The following KIF21B variants were observed in gnomAD, a reference collection of about 807,000 sequenced individuals.
KIF21B encodes kinesin family member 21B.
Under a neutral mutation model 192.9 loss-of-function variants are expected in KIF21B, and 85 were observed. The observed-to-expected ratio is 0.44, with a 90% CI of 0.37 to 0.53. The LOEUF (loss-of-function observed/expected upper bound fraction) is 0.53. Ranked by LOEUF, KIF21B falls within the 20% of genes least tolerant of loss-of-function variation. The probability of loss-of-function intolerance (pLI) is 0.00; values close to 1 mark genes in which losing one functional copy is unlikely to be tolerated. For synonymous variants in KIF21B, 832 were observed against 884.6 expected, an observed-to-expected ratio of 0.94 and a Z score of 1.05; for missense variants, 1,716 against 2,194.8, an observed-to-expected ratio of 0.78 and a Z score of 4.36.
chr1:200,981,178 G>A, intron 28 of KIF21B, 82 bp from the exon 29 acceptor site: 1 of 1,457,140 alleles, frequency 6.9e-7, no homozygotes, highest in African/African-American at 1.4e-5. Flanking sequence ...TGTGTGGGAT[G>A]GGGACAGGGC....
rs747087488 is a variant in KIF21B, at chr1:200,973,550, G to A, written c.4843C>T (p.Arg1615Trp). The change falls in exon 35 of 35, where the codon CGG (arginine) becomes TGG (tryptophan). Residue 1615 changes from arginine to tryptophan, a missense_variant. Coordinates refer to ENST00000461742, the MANE Select transcript of KIF21B (RefSeq NM_001252102.2). Reference protein sequence around the residue: ...SDLTVKFWSVRRLPHSGPP With the variant: ...SDLTVKFWSVWRLPHSGPP ...GGTGGGCCGCTGTGGGGTAACCGCC[G>A]GACACTCCAGAACTTCACCGTCAGG... The A allele has an allele frequency of 3.1e-5, 47 of 1,502,974 alleles. No homozygotes were observed. Among genetic ancestry groups the A allele is most frequent in the South Asian group, 3.8e-5 (3 of 78,886 alleles). 93.1% of individuals were successfully genotyped at this position (1,502,974 alleles called of 1,614,324 possible). A position where few individuals can be genotyped will look rare whatever the true frequency, so the allele number is the denominator to read the frequency against.
chr1:200,986,113 C>G (rs2102400715), intron 26 of KIF21B, among the ~76,000 whole-genome samples: 1 of 151,956 alleles, frequency 6.6e-6, no homozygotes, highest in East Asian at 1.9e-4. Context: ...TCCCAAAGTG[C>G]TAGGATTACT....
intron 1 of KIF21B, among the ~76,000 whole-genome samples, chr1:201,016,245 A>C (rs547418928): frequency 2.0e-5 from 3 of 152,316 alleles, no homozygotes; most frequent in Admixed American, 2.0e-4. Flanking sequence ...GAGAAAAACG[A>C]TCCCTTCAGA....
intron 7 of KIF21B, 72 bp from the exon 8 acceptor site, chr1:201,003,853 A>C: frequency 6.7e-7 from 1 of 1,494,316 alleles, no homozygotes; most frequent in Non-Finnish European, 9.3e-7. Context: ...CTCAGGGTAG[A>C]GGTCCTGCTC....
At chr1:201,009,096 G>T in intron 2 of KIF21B, 145 bp from the exon 3 acceptor site, 1 of 1,182,270 alleles carries the variant, frequency 8.5e-7, no homozygotes, top group Non-Finnish European at 1.2e-6. Context: ...ACACTCTGGG[G>T]AAATCACTGA....
At chr1:201,005,152 T>C (rs578091611) in intron 5 of KIF21B, among the ~76,000 whole-genome samples, 156 bp downstream of exon 5, 8 of 152,376 alleles carry the variant, frequency 5.3e-5, no homozygotes, top group African/African-American at 1.7e-4. Context: ...ATTTTACAAA[T>C]TGGGCAACAA....
At chr1:201,015,883 T>C (rs1335713001) in intron 1 of KIF21B, among the ~76,000 whole-genome samples, 1 of 152,248 alleles carries the variant, frequency 6.6e-6, no homozygotes, top group African/African-American at 2.4e-5. Flanking sequence ...TGGAGGGGTC[T>C]GTGCAGACTT....
intron 29 of KIF21B, 44 bp downstream of exon 29, chr1:200,980,915 AG>A (rs1655867631): frequency 6.3e-7 from 1 of 1,591,592 alleles, no homozygotes; most frequent in Admixed American, 1.8e-5. Context: ...AGCAGGGGTG[AG>A]TAGGAGACCC....
rs1172714971 is a variant in KIF21B, at chr1:200,973,510, T to C, written c.*11A>G. ...GGTCGAGGGTCCGGGGGCATCCCTC[T>C]GACCTCACTCCTAGGGTGGGCCGCT... On this transcript the variant is annotated 3_prime_UTR_variant, in exon 35 of 35. Coordinates refer to ENST00000461742, the MANE Select transcript of KIF21B (RefSeq NM_001252102.2). The C allele has an allele frequency of 4.1e-6, 6 of 1,459,264 alleles. No individual in the cohort carries two copies. Among genetic ancestry groups the C allele is most frequent in the South Asian group, 2.8e-5 (2 of 71,760 alleles). The allele number at this position is 1,459,264 out of a possible 1,614,324, so 90.4% of individuals were successfully genotyped here.
In KIF21B at chr1:201,023,273, C is replaced by A. The variant is rs916618813; in HGVS notation, c.41+70G>T. 46 of 1,375,704 alleles carry A rather than the reference C, an allele frequency of 3.3e-5. No individual in the cohort carries two copies. In the African/African-American group the frequency reaches 6.6e-4, roughly 20 times the overall value. The allele number at this position is 1,375,704 out of a possible 1,614,324, so 85.2% of individuals were successfully genotyped here. ...CAGCCCAAGCGGTGCTCGCGCCCCC[C>A]GCCCAAAGCCCACGCGAGACAAAGC... is the stretch of plus-strand genomic sequence containing the variant. On this transcript the variant is annotated intron_variant, in intron 1 of 34. Coordinates refer to ENST00000461742, the MANE Select transcript of KIF21B (RefSeq NM_001252102.2). The surrounding 1 kb of genome is among the most constrained non-coding windows in gnomAD (Gnocchi z 5.9).
At chr1:200,993,903 G>A (rs1012033644) in intron 15 of KIF21B, among the ~76,000 whole-genome samples, 1 of 152,088 alleles carries the variant, frequency 6.6e-6, no homozygotes, top group Admixed American at 6.6e-5. Context: ...AGAAGAGGAG[G>A]GATTGCTTGC....
intron 28 of KIF21B, 108 bp from the exon 29 acceptor site, chr1:200,981,204 A>G: frequency 8.3e-7 from 1 of 1,201,698 alleles, no homozygotes; most frequent in Non-Finnish European, 1.1e-6. Flanking sequence ...GGGGATGAGG[A>G]CCAAATAACA....
chr1:200,991,607 A>G (rs776879062), intron 17 of KIF21B, 50 bp downstream of exon 17: 1 of 1,542,054 alleles, frequency 6.5e-7, no homozygotes, highest in Non-Finnish European at 9.0e-7. Context: ...ACATGCACGC[A>G]CACATGTGCA....
intron 3 of KIF21B, among the ~76,000 whole-genome samples, chr1:201,007,029 C>T (rs1218179119): frequency 2.7e-5 from 4 of 146,846 alleles, no homozygotes; most frequent in Non-Finnish European, 4.5e-5. Flanking sequence ...CACACACACA[C>T]ACAGACACAG....
intron 14 of KIF21B, among the ~76,000 whole-genome samples, chr1:200,996,941 C>T (rs978893817): frequency 2.6e-5 from 4 of 152,182 alleles, no homozygotes; most frequent in African/African-American, 9.7e-5. Context: ...GAAGCTCACA[C>T]CCTGAGGCAT....
rs1558008466 is a variant in KIF21B at position 200,990,956 on chromosome 1, TC to T, written c.2647del (p.Asp883ThrfsTer49). On this transcript the variant is annotated frameshift_variant, in exon 18 of 35. Coordinates refer to ENST00000461742, the MANE Select transcript of KIF21B (RefSeq NM_001252102.2). LOFTEE classifies it high-confidence loss of function. The surrounding 1 kb of genome is among the most constrained non-coding windows in gnomAD (Gnocchi z 5.4). ...WNRKINHFLG[D>X]HPAPTVNGTR... is the part of the protein sequence containing the mutation. The stretch of plus-strand genomic sequence containing the variant: ...GCCATTGACAGTGGGCGCAGGATGG[TC>T]CCCCAAGAAGTGGTTGATTTTGCGG... 6.2e-7 allele frequency: 1 copy of T among 1,614,080 alleles called. No homozygotes were observed. The highest frequency in any genetic ancestry group is 8.5e-7 in the Non-Finnish European group (1 of 1,180,036).
intron 24 of KIF21B, among the ~76,000 whole-genome samples, chr1:200,987,766 A>C (rs987857442): frequency 1.3e-5 from 2 of 152,228 alleles, no homozygotes; most frequent in African/African-American, 4.8e-5. Context: ...AGTTTACCTC[A>C]AAACTATGCA....
At position 201,000,023 on chromosome 1, in the gene KIF21B, G is replaced by T; in HGVS notation, c.1686-59C>A. 1 of 1,479,274 alleles carries T rather than the reference G, an allele frequency of 6.8e-7. No homozygotes were observed. The highest frequency in any genetic ancestry group is 9.4e-7 in the Non-Finnish European group (1 of 1,061,140). 91.6% of individuals were successfully genotyped at this position (1,479,274 alleles called of 1,614,324 possible). ...AGGCTGCCCCTGCCCTGAGCACATG[G>T]GCAGGACGGCGGCAGCGGCAGAAAA... On this transcript the variant is annotated intron_variant, in intron 11 of 34. Coordinates refer to ENST00000461742, the MANE Select transcript of KIF21B (RefSeq NM_001252102.2). The surrounding 1 kb of genome is among the most constrained non-coding windows in gnomAD (Gnocchi z 6.0).
At chr1:201,007,221 GACAC>G (rs1230275841) in intron 3 of KIF21B, among the ~76,000 whole-genome samples, 2 of 100,810 alleles carry the variant, frequency 2.0e-5, no homozygotes, top group African/African-American at 4.1e-5. Context: ...CACAGAGACA[GACAC>G]ACACAGACAC....
Sources: gnomAD v4.1 joint callset for allele counts (sites outside exome capture counted in the v4.1 genomes callset) on GRCh38, gnomAD v4.1.1 for gene constraint, Gnocchi (gnomAD v3.1) non-coding constraint, MANE v1.5 for transcripts, NCBI Gene and HGNC (gene_info 2026-07-23, HGNC 2026-07-21) for gene names.